The following NDUFA3 variants were observed in gnomAD, a reference collection of about 807,000 sequenced individuals.
NDUFA3 encodes the protein NADH dehydrogenase [ubiquinone] 1 alpha subcomplex subunit 3.
Under a neutral mutation model 11.4 loss-of-function variants are expected in NDUFA3, and 10 were observed. The observed-to-expected ratio is 0.87, with a 90% confidence interval of 0.54 to 1.48. The LOEUF is 1.48. NDUFA3 is among the 40% of genes most tolerant of loss of function. NDUFA3 has a pLI of 0.00. For synonymous variants in NDUFA3, 39 were observed against 46.9 expected (o/e 0.83, Z 0.68); for missense variants, 115 against 110.5 (o/e 1.04, Z -0.18).
chr19:54,103,646 G>T (rs1292236091), intron 2 of NDUFA3, among the ~76,000 whole-genome samples: 1 of 151,852 alleles, frequency 6.6e-6, no homozygotes, highest in East Asian at 1.9e-4. Flanking sequence ...ATTAGCACCG[G>T]AGTTCCTGCA....
chr19:54,106,758 C>T (rs1196964545), intron 3 of NDUFA3, 53 bp from the exon 4 acceptor site: 2 of 1,487,964 alleles, frequency 1.3e-6, no homozygotes, highest in Non-Finnish European at 1.8e-6. Flanking sequence ...CAGCTCTTCT[C>T]TCCAGGGCCC....
Position 54,107,116 on chromosome 19 carries a change from A to G in NDUFA3, c.*214A>G, listed in dbSNP as rs373286516. 3.7e-6 allele frequency: 6 copies of G among 1,613,924 alleles called. No individual in the cohort carries two copies. Among genetic ancestry groups the G allele is most frequent in the East Asian group, 2.2e-5 (1 of 44,864 alleles). On this transcript the variant is annotated 3_prime_UTR_variant, in exon 4 of 4. Transcript: ENST00000485876. ...GTTTGTCTGGACCCCGAGAAACCCA[A>G]CTGGAATCCAGGGCCTCATCTGCTT...
At position 54,103,098 on chromosome 19, in the gene NDUFA3, C is replaced by T. The variant is rs2073137545; in HGVS notation, c.11-16C>T. 1 of 1,611,106 alleles carries T rather than the reference C, an allele frequency of 6.2e-7. No homozygotes were observed. Among genetic ancestry groups the T allele is most frequent in the Non-Finnish European group, 8.5e-7 (1 of 1,178,336 alleles). ...GCAGCTACTTGCAGGGGTGACGCTT[C>T]TTGCCACCCCTTCAGGAGTCGGCGC... On this transcript the variant is annotated splice_polypyrimidine_tract_variant and intron_variant, in intron 1 of 3. Coordinates refer to ENST00000485876, the MANE Select transcript of NDUFA3 (RefSeq NM_004542.4).
Position 54,105,264 on chromosome 19 carries a change from C to CTTTTTTTTTTTTTTTTTTTTTTT in NDUFA3, c.86-649_86-648insTTTTTTTTTTTTTTTTTTTTTTT, listed in dbSNP as rs796770972. Reference sequence around the variant, plus strand: ...ACCCTTTCTCCTCCAGTTTGTAAGGCTTTTTTTTTTTTTTTTTTTTTGGTG... The same window carrying CTTTTTTTTTTTTTTTTTTTTTTT: ...ACCCTTTCTCCTCCAGTTTGTAAGGCTTTTTTTTTTTTTTTTTTTTTTTTTTTTTTTTTTTTTTTTTTTTGGTG... On this transcript the variant is annotated intron_variant, in intron 2 of 3. Transcript: ENST00000485876. Among the ~76,000 whole-genome samples, 24 of 71,258 alleles carry CTTTTTTTTTTTTTTTTTTTTTTT rather than the reference C, an allele frequency of 3.4e-4. 1 individual carries two copies. The highest frequency in any genetic ancestry group is 4.5e-4 in the Non-Finnish European group (18 of 39,668). The allele number at this position is 71,258 out of a possible 152,430, so 46.7% of individuals were successfully genotyped here.
rs750884345 is a variant in NDUFA3 at position 54,102,857 on chromosome 19, T to G, written c.-22T>G. ...CCAGGGTGCTCCGCGTCCTCGCCGC[T>G]GTCGCCGCCGCGGAGACAAAGATGG... On this transcript the variant is annotated 5_prime_UTR_variant, in exon 1 of 4. Transcript: ENST00000485876. 1.2e-6 allele frequency: 2 copies of G among 1,607,552 alleles called. No individual in the cohort carries two copies. Among genetic ancestry groups the G allele is most frequent in the Admixed American group, 1.7e-5 (1 of 59,074 alleles).
rs200140749 is a variant in NDUFA3 at position 54,102,903 on chromosome 19, C to T, written c.10+15C>T. 120 of 1,609,394 alleles carry T rather than the reference C, an allele frequency of 7.5e-5. No homozygotes were observed. In the East Asian group the frequency reaches 2.3e-3, roughly 31 times the overall value. On this transcript the variant is annotated intron_variant, in intron 1 of 3. Transcript: ENST00000485876. Reference sequence around the variant, plus strand: ...GATGGCTGCGAGTAAGTGCAGGTGCCGGTGGCGCACGGGGCTCGGGTAGTT... The same window carrying T: ...GATGGCTGCGAGTAAGTGCAGGTGCTGGTGGCGCACGGGGCTCGGGTAGTT...
rs1177782831 is a variant in NDUFA3, at chr19:54,102,936, C to T, written c.10+48C>T. On this transcript the variant is annotated intron_variant, in intron 1 of 3. Coordinates refer to ENST00000485876, the MANE Select transcript of NDUFA3 (RefSeq NM_004542.4). ...CACGGGGCTCGGGTAGTTCTGGGAA[C>T]CTCTGGGCGGTCCTGGGACTGAGGT... 6.9e-6 allele frequency: 11 copies of T among 1,600,802 alleles called. No individual in the cohort carries two copies. The East Asian group carries it at 2.5e-4, about 36-fold the overall frequency.
intron 2 of NDUFA3, among the ~76,000 whole-genome samples, chr19:54,104,515 G>A (rs2073197107): frequency 6.6e-6 from 1 of 152,106 alleles, no homozygotes; most frequent in South Asian, 2.1e-4. Flanking sequence ...CAGTACTGCT[G>A]GTCCACCAGC....
At chr19:54,105,905 C>G in intron 2 of NDUFA3, 29 bp from the exon 3 acceptor site, 1 of 1,575,956 alleles carries the variant, frequency 6.3e-7, no homozygotes, top group Non-Finnish European at 8.7e-7. Flanking sequence ...CCACCTTCCC[C>G]TGGGCCTCAC....
intron 1 of NDUFA3, 49 bp downstream of exon 1, chr19:54,102,937 C>A: frequency 6.2e-7 from 1 of 1,600,444 alleles, no homozygotes; most frequent in South Asian, 1.1e-5. Context: ...TTCTGGGAAC[C>A]TCTGGGCGGT....
At chr19:54,105,426 G>T (rs2073227964) in intron 2 of NDUFA3, among the ~76,000 whole-genome samples, 1 of 151,610 alleles carries the variant, frequency 6.6e-6, no homozygotes, top group African/African-American at 2.4e-5. Context: ...CTGCCACCAC[G>T]CCCGGCTAAT....
chr19:54,106,129 G>A, intron 3 of NDUFA3, 118 bp downstream of exon 3: 1 of 883,170 alleles, frequency 1.1e-6, no homozygotes, highest in Non-Finnish European at 1.8e-6. Context: ...GTGGTGCCCG[G>A]ACCCCCCGTT....
At chr19:54,105,202 C>T (rs1461261418) in intron 2 of NDUFA3, among the ~76,000 whole-genome samples, 1 of 150,250 alleles carries the variant, frequency 6.7e-6, no homozygotes, top group Non-Finnish European at 1.5e-5. Flanking sequence ...TGGCTCCCAC[C>T]CTAAATGGAC....
At position 54,106,886 on chromosome 19, in the gene NDUFA3, G is replaced by C; in HGVS notation, c.239G>C (p.Trp80Ser). The C allele has an allele frequency of 6.2e-7, 1 of 1,613,064 alleles. No homozygotes were observed. The highest frequency in any genetic ancestry group is 8.5e-7 in the Non-Finnish European group (1 of 1,179,724). Residue 80 changes from tryptophan to serine, a missense_variant, in exon 4 of 4, where the codon TGG (tryptophan) becomes TCG (serine). Physicochemically the swap from Trp to Ser is radical, Grantham distance 177. Transcript: ENST00000485876. ...PQDPQGPSLE[W>S]LKKL is the part of the protein sequence containing the mutation. ...GACCCTCAGGGCCCCAGCCTGGAGT[G>C]GCTGAAGAAACTGTGAGCACCTCCA...
chr19:54,107,192 T>G lies in NDUFA3; in HGVS notation c.*290T>G, dbSNP rs774860871. On this transcript the variant is annotated 3_prime_UTR_variant, in exon 4 of 4. Coordinates refer to ENST00000485876, the MANE Select transcript of NDUFA3 (RefSeq NM_004542.4). ...AATCTGCAGGAGATAAGGAACAAGG[T>G]GTTAACAGGCCTGGGAATCTAGAAA... is the stretch of plus-strand genomic sequence containing the variant. 3 of 1,602,562 alleles carry G rather than the reference T, an allele frequency of 1.9e-6. No homozygotes were observed. Among genetic ancestry groups the G allele is most frequent in the Non-Finnish European group, 2.6e-6 (3 of 1,175,686 alleles).
chr19:54,104,958 G>A (rs1203341349), intron 2 of NDUFA3, among the ~76,000 whole-genome samples: 1 of 151,918 alleles, frequency 6.6e-6, no homozygotes, highest in Admixed American at 6.6e-5. Context: ...GGCTGGTCTC[G>A]AACTCCTGAC....
At chr19:54,105,698 G>C (rs587607510) in intron 2 of NDUFA3, 21 of 688,950 alleles carry the variant, frequency 3.0e-5, no homozygotes, top group Non-Finnish European at 3.8e-5. Flanking sequence ...CAGGCCCCAC[G>C]TATCTGTGAG....
intron 2 of NDUFA3, among the ~76,000 whole-genome samples, chr19:54,103,761 C>G (rs1376093100): frequency 6.6e-6 from 1 of 152,112 alleles, no homozygotes; most frequent in Non-Finnish European, 1.5e-5. Context: ...TCACTGCAAC[C>G]TCGGCCTCCT....
intron 2 of NDUFA3, chr19:54,105,626 C>T (rs1012157237): frequency 3.2e-6 from 2 of 619,350 alleles, no homozygotes; most frequent in Non-Finnish European, 6.2e-6. Context: ...CCCCAGGATG[C>T]TCCATGATGA....
Sources: allele counts gnomAD v4.1 joint callset (sites outside exome capture counted in the v4.1 genomes callset), GRCh38; gene constraint gnomAD v4.1.1; transcripts MANE v1.5; gene names NCBI Gene and HGNC (gene_info 2026-07-23, HGNC 2026-07-21).